Variants in APEH observed in about 807,000 individuals in gnomAD.
The protein encoded by APEH is acylamino-acid-releasing enzyme.
A neutral mutation model predicts 102.7 loss-of-function variants in APEH; 75 were observed. That is an observed-to-expected ratio of 0.73 (90% CI 0.61 to 0.89). The LOEUF (loss-of-function observed/expected upper bound fraction) is 0.89, where lower values mean the gene tolerates loss of function less well. Among genes scored for constraint, APEH ranks in the 40% least tolerant of loss-of-function variants. The pLI, the probability that APEH is intolerant of heterozygous loss-of-function variation, is 0.00. For missense variants in APEH, 863 were observed against 941.2 expected (o/e 0.92, Z 1.09); for synonymous variants, 344 against 362.7 (o/e 0.95, Z 0.59).
At chr3:49,681,562 C>T (rs999658818) in intron 15 of APEH, among the ~76,000 whole-genome samples, 160 bp from the exon 16 acceptor site, 3 of 152,352 alleles carry the variant, frequency 2.0e-5, no homozygotes, top group South Asian at 4.1e-4. Flanking sequence ...CTGACGAGGG[C>T]AGAAGAAGTA....
upstream of APEH, among the ~76,000 whole-genome samples, chr3:49,673,773 G>A (rs1402084451): frequency 6.7e-6 from 1 of 150,248 alleles, no homozygotes; most frequent in African/African-American, 2.4e-5. Context: ...TCCACGCTGC[G>A]GCCGGCTCCG....
Position 49,678,888 on chromosome 3 carries a change from T to C in APEH, c.1097T>C (p.Leu366Ser). The C allele has an allele frequency of 6.2e-7, 1 of 1,613,948 alleles. No homozygotes were observed. The highest frequency in any genetic ancestry group is 1.1e-5 in the South Asian group (1 of 91,084). ...GGGATCTACTGCAGCCTTCTGCCTT[T>C]GGGATGCTGGTCAGCTGACAGCCAG... is the stretch of plus-strand genomic sequence containing the variant. ...FSGIYCSLLP[L>S]GCWSADSQRV... The change falls in exon 12 of 22, where the codon TTG becomes TCG. Residue 366 changes from leucine to serine, a missense_variant. Transcript: ENST00000296456.
upstream of APEH, chr3:49,674,053 G>A (rs1178891494): frequency 9.8e-6 from 4 of 409,880 alleles, no homozygotes; most frequent in East Asian, 4.5e-5. Context: ...CCGGGCTCCC[G>A]GGTTCCGCTT....
intron 11 of APEH, 36 bp from the exon 12 acceptor site, chr3:49,678,816 C>G: frequency 2.6e-6 from 4 of 1,549,610 alleles, no homozygotes; most frequent in South Asian, 1.1e-5. Flanking sequence ...CCTACCTCCA[C>G]TCCTGGATGC....
chr3:49,682,029 G>A, intron 17 of APEH, 62 bp downstream of exon 17: 2 of 1,524,996 alleles, frequency 1.3e-6, no homozygotes, highest in Admixed American at 1.7e-5. Flanking sequence ...GGTGGACCTG[G>A]TTTGTATAAG....
upstream of APEH, chr3:49,674,226 CCGT>C (rs2052903826): frequency 1.1e-5 from 9 of 810,958 alleles, no homozygotes; most frequent in Non-Finnish European, 1.7e-5. Context: ...GGTCCTCTCA[CCGT>C]CAAGGCCCGC....
At chr3:49,675,612 C>T (rs1021402579) in intron 3 of APEH, 82 bp from the exon 4 acceptor site, 10 of 1,362,964 alleles carry the variant, frequency 7.3e-6, no homozygotes, top group Non-Finnish European at 1.0e-5. Flanking sequence ...CCTCAAGAAT[C>T]TCTCCTAAGA....
intron 7 of APEH, 23 bp downstream of exon 7, chr3:49,676,538 C>G: frequency 6.2e-7 from 1 of 1,614,226 alleles, no homozygotes; most frequent in Non-Finnish European, 8.5e-7. Context: ...AGCCTGTGTC[C>G]CCCCTGGAGT....
Position 49,676,818 on chromosome 3 carries a change from G to A in APEH, c.877+1G>A, listed in dbSNP as rs948940747. On this transcript the variant is annotated splice_donor_variant, in intron 9 of 21. Transcript: ENST00000296456. LOFTEE classifies it high-confidence loss of function. Reference sequence around the variant, plus strand: ...GTGGACCTCATCGGGGGGAAGTGTGGTAAGTGGCTGATGCCCACCTGTGCT... The same window carrying A: ...GTGGACCTCATCGGGGGGAAGTGTGATAAGTGGCTGATGCCCACCTGTGCT... 2 of 1,614,274 alleles carry A rather than the reference G, an allele frequency of 1.2e-6. No individual in the cohort carries two copies. The highest frequency in any genetic ancestry group is 2.2e-5 in the South Asian group (2 of 91,088).
chr3:49,681,958 G>A lies in APEH; in HGVS notation c.1594G>A (p.Val532Ile). ...PAMLCKMGFA[V>I]LLVNYRGSTG... ...CATGCTTTGCAAGATGGGCTTTGCG[G>A]TACTACTAGGTGAGTGAGCAGGGAC... The change falls in exon 17 of 22, where the codon GTA becomes ATA. Residue 532 changes from valine to isoleucine, a missense_variant. Physicochemically the swap from Val to Ile is conservative, Grantham distance 29. Transcript: ENST00000296456. The A allele has an allele frequency of 1.2e-6, 2 of 1,613,758 alleles. No homozygotes were observed. The highest frequency in any genetic ancestry group is 1.7e-6 in the Non-Finnish European group (2 of 1,179,644).
intron 13 of APEH, 65 bp from the exon 14 acceptor site, chr3:49,680,476 A>T: frequency 7.0e-7 from 1 of 1,427,554 alleles, no homozygotes; most frequent in Non-Finnish European, 9.9e-7. Flanking sequence ...GGACTCTGTT[A>T]CAGAGAAGCA....
At chr3:49,680,821 C>T (rs575822362) in intron 14 of APEH, among the ~76,000 whole-genome samples, 192 bp downstream of exon 14, 3 of 152,340 alleles carry the variant, frequency 2.0e-5, no homozygotes, top group East Asian at 1.9e-4. Flanking sequence ...GAATCTGCTC[C>T]GTACAAAACA....
chr3:49,678,350 G>T (rs1290410208), intron 11 of APEH, among the ~76,000 whole-genome samples: 1 of 152,144 alleles, frequency 6.6e-6, no homozygotes, highest in East Asian at 1.9e-4. Context: ...ACAGGGTCCT[G>T]GCCTCCCTGA....
chr3:49,676,357 T>C (rs2053053213), intron 6 of APEH, 21 bp from the exon 7 acceptor site: 1 of 1,614,066 alleles, frequency 6.2e-7, no homozygotes, highest in African/African-American at 1.3e-5. Flanking sequence ...AGGCTGGGCA[T>C]TGAGTATCTT....
In APEH at chr3:49,679,015, C is replaced by A; in HGVS notation, c.1158+66C>A. The A allele has an allele frequency of 7.5e-7, 1 of 1,328,018 alleles. No homozygotes were observed. The highest frequency in any genetic ancestry group is 1.1e-6 in the Non-Finnish European group (1 of 931,780). 82.3% of individuals were successfully genotyped at this position (1,328,018 alleles called of 1,614,324 possible). ...CAACCCCCAGGAGCCCTGGGGGTTG[C>A]ATGTGCATGCCCCTGGGTGGAATGC... On this transcript the variant is annotated intron_variant, in intron 12 of 21. Transcript: ENST00000296456. This position sits in a 1 kb window ranked among gnomAD's most constrained non-coding sequence, Gnocchi z 4.3.
chr3:49,683,001 C>T (rs1203568633), intron 20 of APEH, 39 bp from the exon 21 acceptor site: 2 of 1,610,544 alleles, frequency 1.2e-6, no homozygotes, highest in African/African-American at 1.3e-5. Context: ...ATCCAGGGCC[C>T]AGCTCAACAC....
In APEH at chr3:49,675,906, C is replaced by T. The variant is rs372455516; in HGVS notation, c.382C>T (p.Arg128Trp). The change falls in exon 5 of 22, where the codon CGG becomes TGG. Residue 128 changes from arginine to tryptophan, a missense_variant. By Grantham distance (101) the Arg-to-Trp change is moderately radical (BLOSUM62 -3). Transcript: ENST00000296456. ...KQFLEVWEKN[R>W]KLKSFNLSAL... is the part of the protein sequence containing the mutation. ...ATGTCCTCAGGTCTGGGAGAAGAAC[C>T]GGAAGCTCAAGAGCTTCAACCTGTC... 4.4e-5 allele frequency: 71 copies of T among 1,614,000 alleles called. No homozygotes were observed. The highest frequency in any genetic ancestry group is 5.3e-5 in the Non-Finnish European group (63 of 1,180,026).
In APEH at chr3:49,674,682, G is replaced by T. The variant is rs977872411; in HGVS notation, c.145+61G>T. The T allele has an allele frequency of 2.8e-5, 44 of 1,567,902 alleles. 1 individual carries two copies. The highest frequency in any genetic ancestry group is 3.6e-5 in the Non-Finnish European group (42 of 1,165,954). On this transcript the variant is annotated intron_variant, in intron 2 of 21. Coordinates refer to ENST00000296456, the MANE Select transcript of APEH (RefSeq NM_001640.4). Reference sequence around the variant, plus strand: ...TCGCGCACTGGGGTGGGAAGGAAGGGGGTGTGGAGGGCTCGCTGCTTGACA... The same window carrying T: ...TCGCGCACTGGGGTGGGAAGGAAGGTGGTGTGGAGGGCTCGCTGCTTGACA...
chr3:49,673,578 G>C (rs1280659060), upstream of APEH, among the ~76,000 whole-genome samples: 1 of 152,152 alleles, frequency 6.6e-6, no homozygotes, highest in Non-Finnish European at 1.5e-5. Flanking sequence ...CACCCTAAGA[G>C]TTGGCACCCG....
Sources: allele counts gnomAD v4.1 joint callset (sites outside exome capture counted in the v4.1 genomes callset), GRCh38; gene constraint gnomAD v4.1.1; non-coding constraint Gnocchi (gnomAD v3.1); transcripts MANE v1.5; gene names NCBI Gene and HGNC (gene_info 2026-07-23, HGNC 2026-07-21).